The following METAP1 variants were observed in gnomAD, a reference collection of about 807,000 sequenced individuals.
METAP1 encodes methionyl aminopeptidase 1, also known as methionine aminopeptidase 1.
Under a neutral mutation model 53.8 loss-of-function variants are expected in METAP1, and 28 were observed. The ratio of observed to expected loss-of-function variants is 0.52; its 90% CI spans 0.39 to 0.71. The LOEUF is 0.71. METAP1 is among the 30% of genes least tolerant of loss of function. The probability of loss-of-function intolerance (pLI) is 0.00; values close to 1 mark genes in which losing one functional copy is unlikely to be tolerated. For missense variants in METAP1, 389 were observed against 479.8 expected, an observed-to-expected ratio of 0.81 and a Z score of 1.77; for synonymous variants, 181 against 165.7, an observed-to-expected ratio of 1.09 and a Z score of -0.71.
At chr4:99,000,931 C>T (rs1228739774) in intron 1 of METAP1, among the ~76,000 whole-genome samples, 1 of 152,142 alleles carries the variant, frequency 6.6e-6, no homozygotes, top group African/African-American at 2.4e-5. Flanking sequence ...TCTTGAATTT[C>T]TGAGTTCCAC....
chr4:99,056,548 G>GT (rs1271399911), intron 9 of METAP1, among the ~76,000 whole-genome samples: 5 of 148,922 alleles, frequency 3.4e-5, no homozygotes, highest in African/African-American at 1.0e-4. Flanking sequence ...TTTTTGTTTT[G>GT]TTTTTTGTTT....
intron 1 of METAP1, among the ~76,000 whole-genome samples, chr4:99,024,529 C>G (rs180987729): frequency 2.1e-4 from 32 of 152,258 alleles, no homozygotes; most frequent in African/African-American, 6.7e-4. Context: ...TGTGCCGAGT[C>G]AGTTCCTGGG....
intron 2 of METAP1, among the ~76,000 whole-genome samples, chr4:99,032,343 T>C (rs1003011553): frequency 6.6e-6 from 1 of 152,058 alleles, no homozygotes; most frequent in African/African-American, 2.4e-5. Flanking sequence ...TCCTTCTATT[T>C]CACCTCAGCC....
At chr4:99,011,580 A>G (rs1297370257) in intron 1 of METAP1, among the ~76,000 whole-genome samples, 2 of 152,224 alleles carry the variant, frequency 1.3e-5, no homozygotes, top group East Asian at 1.9e-4. Flanking sequence ...TTTTGCATCA[A>G]TATTTATAAG....
Position 99,041,047 on chromosome 4 carries a change from C to A in METAP1, c.437C>A (p.Ala146Asp). ...IEGMRLVCRLAREVLDVAAGM... is the reference protein window; with the variant it reads ...IEGMRLVCRLDREVLDVAAGM... ...TTGAGTGTTCCTTTTTTACAGCTTG[C>A]TAGAGAAGTTTTGGATGTTGCTGCC... Residue 146 changes from alanine to aspartate, a missense_variant, in exon 6 of 11, where the codon GCT becomes GAT. Coordinates refer to ENST00000296411, the MANE Select transcript of METAP1 (RefSeq NM_015143.3). 1 of 1,606,154 alleles carries A rather than the reference C, an allele frequency of 6.2e-7. No individual in the cohort carries two copies. The highest frequency in any genetic ancestry group is 1.1e-5 in the South Asian group (1 of 90,006).
intron 10 of METAP1, among the ~76,000 whole-genome samples, chr4:99,060,331 C>G (rs532247701): frequency 6.7e-6 from 1 of 150,286 alleles, no homozygotes; most frequent in South Asian, 2.1e-4. Flanking sequence ...TGTACTCTAC[C>G]TCATAGAAGT....
chr4:99,022,339 T>C, intron 1 of METAP1: 1 of 853,932 alleles, frequency 1.2e-6, no homozygotes, highest in African/African-American at 1.8e-5. Context: ...GGAAGATCCC[T>C]CCATGCTCTC....
At chr4:99,007,204 G>A (rs1421249430) in intron 1 of METAP1, among the ~76,000 whole-genome samples, 3 of 151,966 alleles carry the variant, frequency 2.0e-5, no homozygotes, top group Admixed American at 2.0e-4. Context: ...TGATCTGCTT[G>A]CCTCGGCCTC....
rs1256092584 is a variant in METAP1, at chr4:99,062,642, C to T, written c.*1325C>T. On this transcript the variant is annotated 3_prime_UTR_variant, in exon 11 of 11. Transcript: ENST00000296411. ...TTAAAATATAATAATGTTTTCATTA[C>T]TTTTATTATTTGAATGATTTAGTAA... 1 of 152,556 alleles carries T rather than the reference C, an allele frequency of 6.6e-6. No individual in the cohort carries two copies. The highest frequency in any genetic ancestry group is 1.5e-5 in the Non-Finnish European group (1 of 68,026). 9.5% of individuals were successfully genotyped at this position (152,556 alleles called of 1,614,324 possible).
intron 10 of METAP1, 71 bp from the exon 11 acceptor site, chr4:99,061,083 C>T: frequency 2.7e-6 from 4 of 1,504,540 alleles, no homozygotes; most frequent in Admixed American, 4.2e-5. Context: ...GAATTTTTTC[C>T]TTGGCTTTCT....
intron 1 of METAP1, among the ~76,000 whole-genome samples, chr4:99,016,458 C>T (rs1409970003): frequency 6.6e-6 from 1 of 152,130 alleles, no homozygotes; most frequent in Admixed American, 6.5e-5. Context: ...TGTCCAGCAC[C>T]TGGGCCAGTT....
intron 7 of METAP1, among the ~76,000 whole-genome samples, chr4:99,044,070 G>A (rs1218520814): frequency 6.6e-6 from 1 of 152,000 alleles, no homozygotes; most frequent in Non-Finnish European, 1.5e-5. Context: ...GAGACTGCAG[G>A]CTCATTGCTA....
chr4:99,050,565 G>A (rs193027156), intron 9 of METAP1, among the ~76,000 whole-genome samples: 61 of 152,276 alleles, frequency 4.0e-4, no homozygotes, highest in African/African-American at 1.3e-3. Flanking sequence ...CCCCTGGGCC[G>A]CAGACAGGTA....
At chr4:99,052,576 A>G (rs562962364) in intron 9 of METAP1, among the ~76,000 whole-genome samples, 1 of 152,206 alleles carries the variant, frequency 6.6e-6, no homozygotes, top group African/African-American at 2.4e-5. Flanking sequence ...TTCACTGTGC[A>G]GTACCAAGGG....
At chr4:99,039,807 T>G (rs1560722777) in intron 5 of METAP1, among the ~76,000 whole-genome samples, 1 of 152,182 alleles carries the variant, frequency 6.6e-6, no homozygotes, top group African/African-American at 2.4e-5. Context: ...TTGCCCAGGC[T>G]GGTCTCGAAC....
intron 4 of METAP1, among the ~76,000 whole-genome samples, chr4:99,036,252 A>G (rs977237093): frequency 6.6e-6 from 1 of 152,120 alleles, no homozygotes; most frequent in Non-Finnish European, 1.5e-5. Context: ...GAAGTGGGGA[A>G]CTGTATTACA....
At chr4:99,042,914 C>G (rs763180033) in intron 6 of METAP1, among the ~76,000 whole-genome samples, 1 of 151,984 alleles carries the variant, frequency 6.6e-6, no homozygotes, top group African/African-American at 2.4e-5. Context: ...TCTAAATGCT[C>G]CAATGGGCAT....
At chr4:99,060,164 T>C (rs1466447699) in intron 10 of METAP1, among the ~76,000 whole-genome samples, 3 of 152,100 alleles carry the variant, frequency 2.0e-5, no homozygotes, top group Non-Finnish European at 4.4e-5. Flanking sequence ...TTAAATACAT[T>C]CATAACGTTG....
rs1727588478 is a variant in METAP1, at chr4:99,062,208, C to CACT, written c.*893_*895dup. Reference sequence around the variant, plus strand: ...GGTGCTCAGAGAAGCGTGAAGTTTGCACTATGGTGGAGGATGGGGAAAGAG... The same window carrying CACT: ...GGTGCTCAGAGAAGCGTGAAGTTTGCACTACTATGGTGGAGGATGGGGAAAGAG... On this transcript the variant is annotated 3_prime_UTR_variant, in exon 11 of 11. Coordinates refer to ENST00000296411, the MANE Select transcript of METAP1 (RefSeq NM_015143.3). 1 of 152,168 alleles carries CACT rather than the reference C, an allele frequency of 6.6e-6. No homozygotes were observed. Among genetic ancestry groups the CACT allele is most frequent in the Non-Finnish European group, 1.5e-5 (1 of 68,036 alleles). The allele number at this position is 152,168 out of a possible 1,614,324, so 9.4% of individuals were successfully genotyped here. A position where few individuals can be genotyped will look rare whatever the true frequency, so the allele number is the denominator to read the frequency against.
Sources: allele counts gnomAD v4.1 joint callset (sites outside exome capture counted in the v4.1 genomes callset), GRCh38; gene constraint gnomAD v4.1.1; transcripts MANE v1.5; gene names NCBI Gene and HGNC (gene_info 2026-07-23, HGNC 2026-07-21).